The following REEP3 variants were observed in gnomAD, a reference collection of about 807,000 sequenced individuals.
REEP3 encodes the protein receptor expression-enhancing protein 3.
A neutral mutation model predicts 41.3 loss-of-function variants in REEP3; 20 were observed. The observed-to-expected ratio is 0.48, with a 90% CI of 0.34 to 0.70. The LOEUF is 0.70. Among genes scored for constraint, REEP3 ranks in the 30% least tolerant of loss-of-function variants. The pLI is 0.01. For synonymous variants in REEP3, 104 were observed against 101.8 expected, an observed-to-expected ratio of 1.02 and a Z score of -0.13; for missense variants, 271 against 308.8, an observed-to-expected ratio of 0.88 and a Z score of 0.92.
intron 1 of REEP3, among the ~76,000 whole-genome samples, chr10:63,525,199 C>T (rs751878022): frequency 2.6e-5 from 4 of 152,184 alleles, no homozygotes; most frequent in Non-Finnish European, 5.9e-5. Context: ...GAATTCAGAA[C>T]TGGCTTTGGT....
intron 5 of REEP3, chr10:63,606,263 T>TTTTCTTTATCTTTTTC (rs1554808461): frequency 6.6e-6 from 1 of 151,554 alleles, no homozygotes; most frequent in East Asian, 2.0e-4. Context: ...GAACTTTTCT[T>TTTTCTTTATCTTTTTC]TTTCTTTCTT....
At chr10:63,528,608 C>A (rs1040031363) in intron 1 of REEP3, among the ~76,000 whole-genome samples, 4 of 152,206 alleles carry the variant, frequency 2.6e-5, no homozygotes, top group Non-Finnish European at 4.4e-5. Context: ...TGACTTCCTG[C>A]CTCACTCAGG....
intron 1 of REEP3, among the ~76,000 whole-genome samples, chr10:63,539,856 A>G (rs1016598015): frequency 7.9e-5 from 12 of 152,164 alleles, no homozygotes; most frequent in African/African-American, 2.7e-4. Context: ...AAAACTCTCC[A>G]GGTGATTGGG....
chr10:63,521,836 G>A (rs1589851729), intron 1 of REEP3: 1 of 80,556 alleles, frequency 1.2e-5, no homozygotes, highest in African/African-American at 1.6e-4. Context: ...CTGCTCGGCT[G>A]CGTGCGGTGC....
chr10:63,594,215 AAAAAAAAAAAAACC>A (rs1196623123), intron 2 of REEP3, among the ~76,000 whole-genome samples: 2 of 66,722 alleles, frequency 3.0e-5, no homozygotes, highest in African/African-American at 8.8e-5. Flanking sequence ...TCATCTCTAC[AAAAAAAAAAAAACC>A]AAAAAAAATT....
intron 1 of REEP3, among the ~76,000 whole-genome samples, chr10:63,538,733 CA>C: frequency 6.6e-6 from 1 of 151,684 alleles, no homozygotes; most frequent in Non-Finnish European, 1.5e-5. Flanking sequence ...GACTCCATCT[CA>C]AAAAAATAAA....
Position 63,594,858 on chromosome 10 carries a change from A to T in REEP3, c.182+4A>T. On this transcript the variant is annotated splice_donor_region_variant and intron_variant, in intron 3 of 7. Transcript: ENST00000373758. ...TAGCCGATCAAACAGTTGCTTGGTA[A>T]GTTTTACTATTGAGAAGGGGCCAGA... is the stretch of plus-strand genomic sequence containing the variant. 3.1e-6 allele frequency: 5 copies of T among 1,597,848 alleles called. No homozygotes were observed. The highest frequency in any genetic ancestry group is 3.4e-6 in the Non-Finnish European group (4 of 1,165,470).
chr10:63,620,918 C>A lies in REEP3; in HGVS notation c.*49C>A. ...AGACAGATTATGCTAAATACATCGA[C>A]TTCATCTTCTAACATGATATATTCA... On this transcript the variant is annotated 3_prime_UTR_variant, in exon 8 of 8. Transcript: ENST00000373758. 1 of 1,138,758 alleles carries A rather than the reference C, an allele frequency of 8.8e-7. No homozygotes were observed. Among genetic ancestry groups the A allele is most frequent in the Non-Finnish European group, 1.3e-6 (1 of 771,334 alleles). The allele number at this position is 1,138,758 out of a possible 1,614,324, so 70.5% of individuals were successfully genotyped here. A position where few individuals can be genotyped will look rare whatever the true frequency, so the allele number is the denominator to read the frequency against.
chr10:63,599,192 A>G lies in REEP3; in HGVS notation c.326A>G (p.Gln109Arg). 7 of 1,586,004 alleles carry G rather than the reference A, an allele frequency of 4.4e-6. No individual in the cohort carries two copies. The South Asian group carries it at 5.8e-5, about 13-fold the overall frequency. ...KEREIDDYIV[Q>R]AKERGYETMV... ...CAGGAGATTGATGATTATATTGTAC[A>G]AGCAAAGGAACGAGGCTATGAAACC... The change falls in exon 5 of 8, where the codon CAA becomes CGA. Residue 109 changes from glutamine (Q) to arginine (R), a missense_variant. Transcript: ENST00000373758.
intron 2 of REEP3, among the ~76,000 whole-genome samples, chr10:63,572,596 G>A (rs550746910): frequency 6.6e-6 from 1 of 152,194 alleles, no homozygotes; most frequent in East Asian, 1.9e-4. Flanking sequence ...TTCCTATACA[G>A]TAATCCTATC....
chr10:63,540,931 C>G (rs1489337112), intron 1 of REEP3, among the ~76,000 whole-genome samples: 1 of 152,000 alleles, frequency 6.6e-6, no homozygotes, highest in Non-Finnish European at 1.5e-5. Context: ...GATCCCATTT[C>G]TATGTAGTCT....
chr10:63,594,197 G>A (rs1298435744), intron 2 of REEP3, among the ~76,000 whole-genome samples: 1 of 144,522 alleles, frequency 6.9e-6, no homozygotes, highest in Non-Finnish European at 1.5e-5. Context: ...GGGCAACATG[G>A]CAAAACCTCA....
chr10:63,564,312 A>G (rs889560793), intron 1 of REEP3, among the ~76,000 whole-genome samples: 4 of 152,198 alleles, frequency 2.6e-5, no homozygotes, highest in Non-Finnish European at 5.9e-5. Context: ...AAAAATTTCA[A>G]ATTTGCTGGT....
rs190618148 is a variant in REEP3, at chr10:63,530,904, C to T, written c.32+9327C>T. Among the ~76,000 whole-genome samples the T allele has an allele frequency of 6.0e-4, 92 of 152,286 alleles. 3 individuals carry two copies. The East Asian group carries it at 0.014, about 23-fold the overall frequency. On this transcript the variant is annotated intron_variant, in intron 1 of 7. Coordinates refer to ENST00000373758, the MANE Select transcript of REEP3 (RefSeq NM_001001330.3). ...ACTTATTTTTATGTCATTGATTACA[C>T]ATTTGCACTAAACTAATCCTTTCAT...
At chr10:63,544,724 T>G (rs912994041) in intron 1 of REEP3, among the ~76,000 whole-genome samples, 4 of 152,218 alleles carry the variant, frequency 2.6e-5, no homozygotes, top group African/African-American at 9.6e-5. Flanking sequence ...CATGTGTTCA[T>G]TTTGTTGTTA....
intron 1 of REEP3, among the ~76,000 whole-genome samples, chr10:63,556,895 A>G (rs1056226789): frequency 6.6e-6 from 1 of 151,626 alleles, no homozygotes; most frequent in African/African-American, 2.4e-5. Context: ...TCGGCCTCCC[A>G]AAGTGCTGGG....
intron 2 of REEP3, among the ~76,000 whole-genome samples, chr10:63,578,199 A>G (rs553500367): frequency 4.3e-4 from 65 of 152,292 alleles, no homozygotes; most frequent in African/African-American, 1.4e-3. Context: ...TCGCAGGTTC[A>G]AGCGATTCTC....
Position 63,619,512 on chromosome 10 carries a change from AG to A in REEP3, c.566-140del, listed in dbSNP as rs1956336626. 8.6e-6 allele frequency: 5 copies of A among 583,866 alleles called. No individual in the cohort carries two copies. In the South Asian group the frequency reaches 1.6e-4, roughly 19 times the overall value. 36.2% of individuals were successfully genotyped at this position (583,866 alleles called of 1,614,324 possible). A position where few individuals can be genotyped will look rare whatever the true frequency, so the allele number is the denominator to read the frequency against. On this transcript the variant is annotated intron_variant, in intron 6 of 7. Coordinates refer to ENST00000373758, the MANE Select transcript of REEP3 (RefSeq NM_001001330.3). ...AGTGCGAGGCAAAGCTTAATGATAA[AG>A]GGCATGGAGCACATTCCAGATGCAA...
intron 1 of REEP3, among the ~76,000 whole-genome samples, chr10:63,523,720 G>A (rs1589853515): frequency 6.6e-6 from 1 of 152,202 alleles, no homozygotes. Flanking sequence ...ACCGGCGTGA[G>A]CCAAAGCCCA....
Sources: gnomAD v4.1 joint callset for allele counts (sites outside exome capture counted in the v4.1 genomes callset) on GRCh38, gnomAD v4.1.1 for gene constraint, MANE v1.5 for transcripts, NCBI Gene and HGNC (gene_info 2026-07-23, HGNC 2026-07-21) for gene names.